GRM8: variants seen among roughly 807,000 people sequenced by gnomAD.
GRM8 encodes glutamate metabotropic receptor 8.
GRM8 carries 47 observed loss-of-function variants against 87.2 expected under a neutral mutation model. The ratio of observed to expected loss-of-function variants is 0.54; its 90% CI spans 0.43 to 0.69. The LOEUF is 0.69. GRM8 is among the 30% of genes least tolerant of loss of function. The pLI is 0.00. For synonymous variants in GRM8, 396 were observed against 404.5 expected (o/e 0.98, Z 0.25); for missense variants, 1,019 against 1,139.2 (o/e 0.89, Z 1.52).
chr7:126,874,696 C>T (rs762662888), intron 6 of GRM8, among the ~76,000 whole-genome samples: 16 of 152,094 alleles, frequency 1.1e-4, no homozygotes, highest in Non-Finnish European at 1.9e-4. Flanking sequence ...CAAACCATGT[C>T]TGTCTCACTC....
chr7:126,651,953 G>T (rs1375321914), intron 7 of GRM8, among the ~76,000 whole-genome samples: 15 of 152,184 alleles, frequency 9.9e-5, no homozygotes, highest in Admixed American at 9.8e-4. Context: ...AAAAAACCAT[G>T]ACCTGCTGGG....
chr7:126,798,941 C>T (rs1262892421), intron 6 of GRM8, among the ~76,000 whole-genome samples: 3 of 152,060 alleles, frequency 2.0e-5, no homozygotes, highest in Non-Finnish European at 1.5e-5. Flanking sequence ...AGCAAAAGTT[C>T]CAAGGCAGAA....
At chr7:126,608,293 G>T (rs1331365218) in intron 8 of GRM8, among the ~76,000 whole-genome samples, 1 of 152,096 alleles carries the variant, frequency 6.6e-6, no homozygotes, top group Non-Finnish European at 1.5e-5. Context: ...CCCTAAGAGA[G>T]CTCCTCTGAG....
intron 7 of GRM8, among the ~76,000 whole-genome samples, chr7:126,727,859 G>T (rs1486723134): frequency 6.6e-6 from 1 of 152,080 alleles, no homozygotes; most frequent in African/African-American, 2.4e-5. Context: ...TTGAGTAGCT[G>T]GGCATTACAG....
At chr7:126,561,872 C>T (rs1272627456) in intron 8 of GRM8, among the ~76,000 whole-genome samples, 9 of 64,610 alleles carry the variant, frequency 1.4e-4, no homozygotes, top group East Asian at 3.5e-3. Flanking sequence ...TGAGAACATG[C>T]GGTGTTTGGT....
chr7:126,541,030 A>G (rs1349233877), intron 8 of GRM8, among the ~76,000 whole-genome samples: 3 of 152,220 alleles, frequency 2.0e-5, no homozygotes, highest in Non-Finnish European at 4.4e-5. Flanking sequence ...GTCCATGCCC[A>G]TTTTGTTTAA....
intron 6 of GRM8, among the ~76,000 whole-genome samples, chr7:126,805,248 A>AT (rs1472496660): frequency 6.6e-6 from 1 of 152,166 alleles, no homozygotes; most frequent in Non-Finnish European, 1.5e-5. Flanking sequence ...GCCAAAAATG[A>AT]TCCCCCAAAC....
At chr7:126,468,927 T>A (rs1804827494) in intron 9 of GRM8, among the ~76,000 whole-genome samples, 1 of 152,138 alleles carries the variant, frequency 6.6e-6, no homozygotes, top group Admixed American at 6.6e-5. Context: ...TTCTCTTAAC[T>A]TTTATTTGAT....
chr7:126,453,100 CACACACACACACAT>C (rs1416219939), intron 9 of GRM8, among the ~76,000 whole-genome samples: 31 of 147,704 alleles, frequency 2.1e-4, no homozygotes, highest in African/African-American at 6.4e-4. Flanking sequence ...CACACACACA[CACACACACACACAT>C]ACAAGCAAAA....
intron 9 of GRM8, among the ~76,000 whole-genome samples, chr7:126,521,054 T>A (rs937925346): frequency 1.3e-5 from 2 of 152,166 alleles, no homozygotes; most frequent in Admixed American, 1.3e-4. Context: ...ACAGGCTCAC[T>A]ATCTACCAAT....
At chr7:126,522,218 C>G (rs894503270) in intron 9 of GRM8, among the ~76,000 whole-genome samples, 10 of 152,182 alleles carry the variant, frequency 6.6e-5, no homozygotes, top group African/African-American at 2.4e-4. Flanking sequence ...CCCAATTCAA[C>G]TTGAAATGAG....
chr7:126,814,270 T>C (rs1793566646), intron 6 of GRM8, among the ~76,000 whole-genome samples: 1 of 152,116 alleles, frequency 6.6e-6, no homozygotes, highest in Non-Finnish European at 1.5e-5. Flanking sequence ...AGCCTCTTTA[T>C]GATCTTCAAC....
chr7:126,921,177 A>G (rs1804488253), intron 3 of GRM8, among the ~76,000 whole-genome samples: 1 of 152,180 alleles, frequency 6.6e-6, no homozygotes, highest in Admixed American at 6.6e-5. Flanking sequence ...CAGAGACAAG[A>G]AGTGTGTCCA....
At chr7:126,822,891 C>T in intron 6 of GRM8, among the ~76,000 whole-genome samples, 1 of 152,228 alleles carries the variant, frequency 6.6e-6, no homozygotes, top group East Asian at 1.9e-4. Context: ...GCCTTCAACA[C>T]ATTTCTGTCT....
At chr7:127,229,829 G>C (rs758049075) in intron 2 of GRM8, 27 of 152,112 alleles carry the variant, frequency 1.8e-4, no homozygotes, top group Non-Finnish European at 3.7e-4. Context: ...TATACTCAAG[G>C]GTTAGGAAAA....
At chr7:127,129,733 A>T (rs999904117) in intron 2 of GRM8, among the ~76,000 whole-genome samples, 2 of 152,202 alleles carry the variant, frequency 1.3e-5, no homozygotes, top group African/African-American at 4.8e-5. Flanking sequence ...AGCCAAAGTC[A>T]CAGTAGAGAT....
At chr7:126,617,461 T>C (rs1585239308) in intron 7 of GRM8, among the ~76,000 whole-genome samples, 1 of 152,196 alleles carries the variant, frequency 6.6e-6, no homozygotes, top group African/African-American at 2.4e-5. Flanking sequence ...CTTTGAAAAC[T>C]GGCACAAGAC....
chr7:126,600,548 C>G (rs1221782491), intron 8 of GRM8, among the ~76,000 whole-genome samples: 2 of 152,154 alleles, frequency 1.3e-5, no homozygotes, highest in Non-Finnish European at 2.9e-5. Flanking sequence ...ATAATCTGTA[C>G]ATGAGTGTAC....
chr7:126,555,375 A>C (rs573912101), intron 8 of GRM8, among the ~76,000 whole-genome samples: 1 of 152,354 alleles, frequency 6.6e-6, no homozygotes, highest in East Asian at 1.9e-4. Context: ...AGGCAGAATA[A>C]CCAACAGTGT....
Sources: allele counts gnomAD v4.1 joint callset (sites outside exome capture counted in the v4.1 genomes callset), GRCh38; gene constraint gnomAD v4.1.1; transcripts MANE v1.5; gene names NCBI Gene and HGNC (gene_info 2026-07-23, HGNC 2026-07-21).